DLG2: variants seen among roughly 807,000 people sequenced by gnomAD.
The protein encoded by DLG2 is disks large homolog 2.
In DLG2, 45 loss-of-function variants were observed where a neutral mutation model predicts 132.5. That is an observed-to-expected ratio of 0.34 (90% confidence interval 0.27 to 0.44). The LOEUF is 0.44. Ranked by LOEUF, DLG2 falls within the 20% of genes least tolerant of loss-of-function variation. The pLI, the probability that DLG2 is intolerant of heterozygous loss-of-function variation, is 1.00. For synonymous variants in DLG2, 424 were observed against 419.6 expected, an observed-to-expected ratio of 1.01 and a Z score of -0.13; for missense variants, 1,045 against 1,196.9, an observed-to-expected ratio of 0.87 and a Z score of 1.87.
intron 9 of DLG2, among the ~76,000 whole-genome samples, chr11:84,136,406 G>C (rs1245182861): frequency 6.6e-6 from 1 of 152,068 alleles, no homozygotes; most frequent in Non-Finnish European, 1.5e-5. Context: ...CTTGTTTTTT[G>C]TGGAATTTAA....
intron 10 of DLG2, among the ~76,000 whole-genome samples, chr11:84,082,255 T>C (rs2096915905): frequency 6.6e-6 from 1 of 152,104 alleles, no homozygotes. Flanking sequence ...TGTGTTATGG[T>C]ATTAAATGAA....
At chr11:85,427,583 T>C (rs1336758875) in intron 3 of DLG2, among the ~76,000 whole-genome samples, 1 of 152,092 alleles carries the variant, frequency 6.6e-6, no homozygotes, top group African/African-American at 2.4e-5. Context: ...TGCTGAGAGA[T>C]TTTGTCACCA....
At chr11:83,725,248 G>A in intron 18 of DLG2, 1 of 227,072 alleles carries the variant, frequency 4.4e-6, no homozygotes, top group Non-Finnish European at 8.6e-6. Flanking sequence ...TGGGGAGGCT[G>A]CTGAAGGACG....
At chr11:84,515,746 C>T (rs2099270822) in intron 7 of DLG2, among the ~76,000 whole-genome samples, 1 of 151,824 alleles carries the variant, frequency 6.6e-6, no homozygotes. Context: ...ACCTAAAAGA[C>T]ATATACAGAA....
intron 11 of DLG2, among the ~76,000 whole-genome samples, chr11:83,983,670 T>C (rs1270335376): frequency 6.6e-6 from 1 of 152,082 alleles, no homozygotes; most frequent in African/African-American, 2.4e-5. Context: ...AAGTGTTATC[T>C]AATTTCCTTG....
chr11:84,848,018 T>C (rs915956192), intron 6 of DLG2, among the ~76,000 whole-genome samples: 1 of 152,084 alleles, frequency 6.6e-6, no homozygotes, highest in African/African-American at 2.4e-5. Context: ...CTGTAAACAT[T>C]GGTCATTTTT....
intron 8 of DLG2, among the ~76,000 whole-genome samples, chr11:84,245,988 G>T (rs1454749738): frequency 2.0e-5 from 3 of 152,156 alleles, no homozygotes; most frequent in African/African-American, 7.2e-5. Context: ...AACTGTGTTT[G>T]TGTCACGGGC....
chr11:84,177,916 T>C (rs1260963228), intron 8 of DLG2, among the ~76,000 whole-genome samples: 3 of 152,052 alleles, frequency 2.0e-5, no homozygotes, highest in African/African-American at 7.2e-5. Flanking sequence ...AAAGAACAAC[T>C]TTAAAACTGG....
At chr11:85,339,691 T>G (rs1040365621) in intron 3 of DLG2, among the ~76,000 whole-genome samples, 1 of 152,370 alleles carries the variant, frequency 6.6e-6, no homozygotes, top group South Asian at 2.1e-4. Context: ...GGCTTTTCAG[T>G]CATTTGTCCC....
chr11:85,158,943 C>T (rs929013275), intron 4 of DLG2, among the ~76,000 whole-genome samples: 6 of 152,154 alleles, frequency 3.9e-5, no homozygotes, highest in African/African-American at 1.4e-4. Flanking sequence ...TCAATTTCCA[C>T]ACTTGAGTCA....
intron 7 of DLG2, among the ~76,000 whole-genome samples, chr11:84,442,477 A>G (rs2099020183): frequency 6.6e-6 from 1 of 152,104 alleles, no homozygotes; most frequent in Non-Finnish European, 1.5e-5. Context: ...GAGTTGAACA[A>G]TGAGAACACA....
intron 7 of DLG2, among the ~76,000 whole-genome samples, chr11:84,275,918 T>C (rs1009701866): frequency 4.6e-5 from 7 of 152,166 alleles, no homozygotes; most frequent in Admixed American, 4.6e-4. Context: ...AGTATTTAGT[T>C]ATACAGATAT....
chr11:85,016,990 T>C (rs1398548876), intron 6 of DLG2, among the ~76,000 whole-genome samples: 3 of 152,164 alleles, frequency 2.0e-5, no homozygotes, highest in Non-Finnish European at 4.4e-5. Flanking sequence ...TATAAATAAA[T>C]TCTTATCGAA....
intron 6 of DLG2, among the ~76,000 whole-genome samples, chr11:84,556,997 T>A (rs777611046): frequency 5.3e-5 from 8 of 152,176 alleles, no homozygotes; most frequent in Non-Finnish European, 8.8e-5. Context: ...CCGGGTCATA[T>A]CTGTCTGCCT....
intron 4 of DLG2, among the ~76,000 whole-genome samples, chr11:85,185,904 G>A (rs58756447): frequency 0.082 from 12,524 of 151,926 alleles, 644 homozygotes; most frequent in African/African-American, 0.14. Flanking sequence ...TATTTCATAG[G>A]TAAGGGAAAA....
chr11:83,588,207 G>A (rs1023845108), intron 19 of DLG2, among the ~76,000 whole-genome samples: 1 of 151,770 alleles, frequency 6.6e-6, no homozygotes, highest in Admixed American at 6.5e-5. Context: ...AAAGACAGCA[G>A]TAACCTCTGC....
intron 5 of DLG2, among the ~76,000 whole-genome samples, chr11:85,146,227 C>CTCTCT (rs1555384682): frequency 0.012 from 1,536 of 129,184 alleles, 26 homozygotes; most frequent in East Asian, 0.025. Flanking sequence ...TCTGTTTCTC[C>CTCTCT]CTCTCTCTCT....
intron 4 of DLG2, among the ~76,000 whole-genome samples, chr11:85,208,970 C>T (rs372492851): frequency 2.0e-5 from 3 of 152,090 alleles, no homozygotes; most frequent in African/African-American, 7.2e-5. Flanking sequence ...TCTACCCTCC[C>T]GCAATATGTA....
intron 6 of DLG2, among the ~76,000 whole-genome samples, chr11:84,769,144 A>C (rs904286123): frequency 6.6e-6 from 1 of 152,170 alleles, no homozygotes; most frequent in Non-Finnish European, 1.5e-5. Context: ...CCTAACCAAA[A>C]TGGAAATTCA....
Sources: allele counts gnomAD v4.1 joint callset (sites outside exome capture counted in the v4.1 genomes callset), GRCh38; gene constraint gnomAD v4.1.1; transcripts MANE v1.5; gene names NCBI Gene and HGNC (gene_info 2026-07-23, HGNC 2026-07-21).